The following CPQ variants were observed in gnomAD, a reference collection of about 807,000 sequenced individuals.
CPQ encodes the protein Ser-Met dipeptidase.
CPQ carries 37 observed loss-of-function variants against 45.7 expected under a neutral mutation model. That is an observed-to-expected ratio of 0.81 (90% CI 0.62 to 1.07). The LOEUF (loss-of-function observed/expected upper bound fraction) is 1.07. CPQ is among the 50% of genes least tolerant of loss of function. The pLI is 0.00. For missense variants in CPQ, 537 were observed against 572.9 expected (o/e 0.94, Z 0.64); for synonymous variants, 186 against 205.8 (o/e 0.90, Z 0.82).
chr8:96,763,928 G>A (rs1810436834), intron 1 of CPQ, among the ~76,000 whole-genome samples: 1 of 152,286 alleles, frequency 6.6e-6, no homozygotes, highest in South Asian at 2.1e-4. Context: ...TATACTTTTG[G>A]TGGGAATGTA....
chr8:96,921,601 C>T (rs994638180), intron 4 of CPQ, among the ~76,000 whole-genome samples: 2 of 152,188 alleles, frequency 1.3e-5, no homozygotes, highest in Admixed American at 1.3e-4. Flanking sequence ...ATGTGCTCAG[C>T]ATGAAGAGCT....
chr8:96,679,991 C>A (rs552477210), intron 1 of CPQ, among the ~76,000 whole-genome samples: 1 of 151,894 alleles, frequency 6.6e-6, no homozygotes, highest in Admixed American at 6.6e-5. Flanking sequence ...TTTCTAGTTC[C>A]CTGAAATACA....
chr8:97,004,298 T>G (rs1809339643), intron 5 of CPQ, among the ~76,000 whole-genome samples: 3 of 150,256 alleles, frequency 2.0e-5, no homozygotes, highest in Admixed American at 2.0e-4. Flanking sequence ...GTTTAAAATG[T>G]TAAATCCCAG....
intron 1 of CPQ, among the ~76,000 whole-genome samples, chr8:96,708,586 T>G (rs1268341232): frequency 6.6e-6 from 1 of 152,108 alleles, no homozygotes; most frequent in Non-Finnish European, 1.5e-5. Context: ...CTTCTATCCC[T>G]TGTAGTTTTA....
intron 4 of CPQ, among the ~76,000 whole-genome samples, chr8:96,912,520 C>CTAT (rs1349757256): frequency 6.6e-6 from 1 of 152,078 alleles, no homozygotes; most frequent in Non-Finnish European, 1.5e-5. Flanking sequence ...AAAGATAAGG[C>CTAT]TATTTTGAGG....
At chr8:97,061,374 A>G (rs753683832) in intron 6 of CPQ, among the ~76,000 whole-genome samples, 6 of 149,912 alleles carry the variant, frequency 4.0e-5, no homozygotes, top group Non-Finnish European at 7.4e-5. Flanking sequence ...TTTTTAATGT[A>G]TACATTTAAC....
chr8:96,854,530 C>CAAAAAAAAAAAAAAAAAAAAAA (rs1156706371), intron 3 of CPQ, among the ~76,000 whole-genome samples: 12 of 8,692 alleles, frequency 1.4e-3, no homozygotes, highest in Non-Finnish European at 3.6e-3. Flanking sequence ...GACTCCGTCT[C>CAAAAAAAAAAAAAAAAAAAAAA]AAAAAAAAAA....
intron 1 of CPQ, among the ~76,000 whole-genome samples, chr8:96,772,658 G>A (rs773417637): frequency 3.3e-5 from 5 of 152,084 alleles, no homozygotes; most frequent in Non-Finnish European, 7.4e-5. Context: ...GTGAGAGGAA[G>A]AAGAGTGTTT....
chr8:97,020,160 A>T (rs958946431), intron 5 of CPQ, among the ~76,000 whole-genome samples: 14 of 152,170 alleles, frequency 9.2e-5, no homozygotes, highest in African/African-American at 2.7e-4. Context: ...GATGAAAATT[A>T]AAAAATTCTT....
At chr8:96,927,834 G>C (rs1812913739) in intron 4 of CPQ, among the ~76,000 whole-genome samples, 1 of 152,162 alleles carries the variant, frequency 6.6e-6, no homozygotes, top group African/African-American at 2.4e-5. Context: ...TTAGATTTCA[G>C]ATCCTTCTTT....
chr8:97,044,468 C>G (rs571388783), intron 6 of CPQ, among the ~76,000 whole-genome samples: 1 of 152,286 alleles, frequency 6.6e-6, no homozygotes, highest in South Asian at 2.1e-4. Flanking sequence ...TTGTCTGAAG[C>G]CTTCTTCTCT....
chr8:96,810,110 A>T (rs1811143025), intron 2 of CPQ, among the ~76,000 whole-genome samples: 1 of 152,084 alleles, frequency 6.6e-6, no homozygotes, highest in Admixed American at 6.5e-5. Flanking sequence ...TTGAAGATTC[A>T]GTTTGGAATT....
intron 1 of CPQ, among the ~76,000 whole-genome samples, chr8:96,699,756 A>G (rs1323592952): frequency 6.6e-6 from 1 of 152,102 alleles, no homozygotes; most frequent in East Asian, 1.9e-4. Flanking sequence ...CATCAAGCAC[A>G]CCTATTCTAA....
At chr8:96,932,913 T>G (rs1444462574) in intron 4 of CPQ, among the ~76,000 whole-genome samples, 1 of 152,194 alleles carries the variant, frequency 6.6e-6, no homozygotes, top group Non-Finnish European at 1.5e-5. Context: ...ATGCTGTGAT[T>G]CCAATGCATA....
At chr8:96,725,819 G>T (rs1809829906) in intron 1 of CPQ, among the ~76,000 whole-genome samples, 1 of 152,112 alleles carries the variant, frequency 6.6e-6, no homozygotes, top group Non-Finnish European at 1.5e-5. Flanking sequence ...CAATAGCAAA[G>T]ACATGGAATC....
At chr8:96,766,446 G>A (rs999579056) in intron 1 of CPQ, among the ~76,000 whole-genome samples, 2 of 152,142 alleles carry the variant, frequency 1.3e-5, no homozygotes, top group Non-Finnish European at 2.9e-5. Flanking sequence ...ACTTCATCAG[G>A]GGAAGTGGCT....
At chr8:96,671,431 AT>A (rs1489833158) in intron 1 of CPQ, among the ~76,000 whole-genome samples, 1 of 152,206 alleles carries the variant, frequency 6.6e-6, no homozygotes, top group East Asian at 1.9e-4. Flanking sequence ...GTAAAGTAGC[AT>A]TTGTAATCCT....
chr8:96,968,031 A>AT (rs1187766028), intron 5 of CPQ, among the ~76,000 whole-genome samples: 11 of 151,512 alleles, frequency 7.3e-5, no homozygotes, highest in Admixed American at 5.3e-4. Flanking sequence ...TGACAGTACC[A>AT]TTTTTTTAAT....
intron 5 of CPQ, among the ~76,000 whole-genome samples, chr8:96,973,361 T>C (rs1414810084): frequency 2.0e-5 from 3 of 152,074 alleles, no homozygotes; most frequent in Admixed American, 6.6e-5. Context: ...TCCAAGAAGT[T>C]TGGGATTATG....
Sources: gnomAD v4.1 joint callset for allele counts (sites outside exome capture counted in the v4.1 genomes callset) on GRCh38, gnomAD v4.1.1 for gene constraint, MANE v1.5 for transcripts, NCBI Gene and HGNC (gene_info 2026-07-23, HGNC 2026-07-21) for gene names.